ATRNL1: variants seen among roughly 807,000 people sequenced by gnomAD.
ATRNL1 encodes attractin like 1, also known as attractin-like protein 1.
Under a neutral mutation model 182.7 loss-of-function variants are expected in ATRNL1, and 95 were observed. The ratio of observed to expected loss-of-function variants is 0.52; its 90% CI spans 0.44 to 0.62. The LOEUF is 0.62. ATRNL1 is among the 20% of genes least tolerant of loss of function. ATRNL1 has a pLI of 0.00. For synonymous variants in ATRNL1, 576 were observed against 568.3 expected (o/e 1.01, Z -0.19); for missense variants, 1,471 against 1,679.5 (o/e 0.88, Z 2.17).
At chr10:115,491,742 C>T (rs1849309092) in intron 24 of ATRNL1, among the ~76,000 whole-genome samples, 1 of 152,186 alleles carries the variant, frequency 6.6e-6, no homozygotes, top group South Asian at 2.1e-4. Flanking sequence ...AGCCCCCTTT[C>T]CAGGAGAGTG....
chr10:115,123,536 G>T (rs781846725), intron 3 of ATRNL1, among the ~76,000 whole-genome samples: 7 of 152,074 alleles, frequency 4.6e-5, no homozygotes, highest in Non-Finnish European at 8.8e-5. Flanking sequence ...TGTGTCACAG[G>T]CTTAGAGTAC....
intron 5 of ATRNL1, among the ~76,000 whole-genome samples, chr10:115,138,789 G>A (rs1845633108): frequency 6.6e-6 from 1 of 152,202 alleles, no homozygotes; most frequent in African/African-American, 2.4e-5. Flanking sequence ...TTAACATTCA[G>A]CTCCTCATTA....
chr10:115,247,551 A>T (rs1204822852), intron 10 of ATRNL1, among the ~76,000 whole-genome samples: 1 of 152,170 alleles, frequency 6.6e-6, no homozygotes, highest in Non-Finnish European at 1.5e-5. Context: ...AGGATGTGGA[A>T]CAATGGGGAA....
chr10:115,527,888 TTCCC>T (rs1565132858), intron 25 of ATRNL1, among the ~76,000 whole-genome samples: 1 of 58,450 alleles, frequency 1.7e-5, no homozygotes, highest in Non-Finnish European at 4.0e-5. Context: ...CCCTCCCTCC[TTCCC>T]TCCCTTCCTT....
rs782368586 is a variant in ATRNL1, at chr10:115,727,311, G to C, written c.3859G>C (p.Glu1287Gln). ...CTTTGCTTCTGTTGATGTAGCTCTG[G>C]AAGTGGGAGCTGAACAAACAGAGTT... is the stretch of plus-strand genomic sequence containing the variant. The part of the protein sequence containing the change: ...RPFASVDVAL[E>Q]VGAEQTEFLR... The change falls in exon 27 of 29, where the codon GAA becomes CAA. Residue 1287 changes from glutamate (E) to glutamine (Q), a missense_variant. Physicochemically the swap from Glu to Gln is conservative, Grantham distance 29. Coordinates refer to ENST00000355044, the MANE Select transcript of ATRNL1 (RefSeq NM_207303.4). The C allele has an allele frequency of 1.5e-5, 25 of 1,614,036 alleles. No homozygotes were observed. The highest frequency in any genetic ancestry group is 1.7e-5 in the Non-Finnish European group (20 of 1,180,008).
At chr10:115,798,731 C>T (rs998670588) in intron 27 of ATRNL1, among the ~76,000 whole-genome samples, 6 of 152,102 alleles carry the variant, frequency 3.9e-5, no homozygotes, top group Non-Finnish European at 7.4e-5. Flanking sequence ...CTTGATCTCT[C>T]CAATTAGAAT....
In ATRNL1 at chr10:115,461,809, A is replaced by G. The variant is rs372662151; in HGVS notation, c.3323-132A>G. ...AGGACAAAGATTTGTATTTTGTTAT[A>G]CTTAAATATACCACTAGTATTTAAC... On this transcript the variant is annotated intron_variant, in intron 21 of 28. Transcript: ENST00000355044. 6.8e-4 allele frequency: 299 copies of G among 441,960 alleles called. 5 individuals carry two copies. In the South Asian group the frequency reaches 0.019, roughly 28 times the overall value. 27.4% of individuals were successfully genotyped at this position (441,960 alleles called of 1,614,324 possible).
intron 24 of ATRNL1, among the ~76,000 whole-genome samples, chr10:115,496,784 C>T (rs1195956612): frequency 1.3e-5 from 2 of 152,122 alleles, no homozygotes; most frequent in South Asian, 2.1e-4. Flanking sequence ...ATGGGGTTCC[C>T]TTTGTAGATG....
chr10:115,911,411 G>A (rs1369292913), intron 28 of ATRNL1, among the ~76,000 whole-genome samples: 1 of 152,142 alleles, frequency 6.6e-6, no homozygotes, highest in African/African-American at 2.4e-5. Flanking sequence ...TCCACCTCCT[G>A]TGTTCAAGCG....
rs61386440 is a variant in ATRNL1, at chr10:115,717,548, C to CTTTTTTTTTTTTT, written c.3796-9691_3796-9679dup. Among the ~76,000 whole-genome samples the CTTTTTTTTTTTTT allele has an allele frequency of 6.8e-4, 57 of 84,356 alleles. 4 individuals carry two copies. The highest frequency in any genetic ancestry group is 1.5e-3 in the Admixed American group (8 of 5,432). The allele number at this position is 84,356 out of a possible 152,430, so 55.3% of individuals were successfully genotyped here. A position where few individuals can be genotyped will look rare whatever the true frequency, so the allele number is the denominator to read the frequency against. ...TGATTTTCCCGCTGCCTGAAATGTT[C>CTTTTTTTTTTTTT]TTTTTTTTTTTTTTTTTTTTTGAGA... On this transcript the variant is annotated intron_variant, in intron 26 of 28. Transcript: ENST00000355044.
At chr10:115,528,732 ATCTT>A (rs1667164902) in intron 25 of ATRNL1, among the ~76,000 whole-genome samples, 1 of 151,706 alleles carries the variant, frequency 6.6e-6, no homozygotes, top group Non-Finnish European at 1.5e-5. Flanking sequence ...CGTATTTGAG[ATCTT>A]TCTTCTTTTT....
chr10:115,159,637 G>A (rs1190452269), intron 5 of ATRNL1, among the ~76,000 whole-genome samples: 1 of 151,288 alleles, frequency 6.6e-6, no homozygotes, highest in African/African-American at 2.4e-5. Flanking sequence ...ATAACCCTTG[G>A]TGGTAGATTA....
intron 18 of ATRNL1, among the ~76,000 whole-genome samples, chr10:115,317,311 G>A (rs551923591): frequency 6.6e-6 from 1 of 152,250 alleles, no homozygotes; most frequent in South Asian, 2.1e-4. Context: ...AGTATAGTTC[G>A]AAGTCAGGTA....
intron 25 of ATRNL1, among the ~76,000 whole-genome samples, chr10:115,527,894 C>T (rs1314999736): frequency 1.5e-3 from 90 of 59,082 alleles, no homozygotes; most frequent in Non-Finnish European, 8.6e-4. Context: ...CTCCTTCCCT[C>T]CCTTCCTTCC....
intron 26 of ATRNL1, among the ~76,000 whole-genome samples, chr10:115,634,729 G>A (rs11197365): frequency 0.17 from 26,315 of 152,012 alleles, 2,881 homozygotes; most frequent in East Asian, 0.26. Flanking sequence ...AAATAAACAT[G>A]CTCAAGAGTT....
Position 115,825,292 on chromosome 10 carries a change from A to G in ATRNL1, c.3904-22585A>G, listed in dbSNP as rs1205783329. 3.3e-5 allele frequency among the ~76,000 whole-genome samples: 5 copies of G among 152,138 alleles called. No individual in the cohort carries two copies. The East Asian group carries it at 9.7e-4, about 30-fold the overall frequency. ...ACCAGGGCCTGTCGGGGGTTGGGGGACTAGGGGAGAGATAACATTAGGAGA... is the reference window on the plus strand; with the variant it reads ...ACCAGGGCCTGTCGGGGGTTGGGGGGCTAGGGGAGAGATAACATTAGGAGA... On this transcript the variant is annotated intron_variant, in intron 27 of 28. Transcript: ENST00000355044.
At chr10:115,790,539 C>T (rs1244216758) in intron 27 of ATRNL1, among the ~76,000 whole-genome samples, 1 of 151,470 alleles carries the variant, frequency 6.6e-6, no homozygotes, top group Non-Finnish European at 1.5e-5. Flanking sequence ...TTATATCCAA[C>T]CAGAGGATCA....
At chr10:115,676,159 T>C (rs1945853621) in intron 26 of ATRNL1, among the ~76,000 whole-genome samples, 1 of 152,058 alleles carries the variant, frequency 6.6e-6, no homozygotes, top group African/African-American at 2.4e-5. Flanking sequence ...CTCTAGCATA[T>C]GAAACCATAT....
chr10:115,719,614 C>A (rs1262243932), intron 26 of ATRNL1, among the ~76,000 whole-genome samples: 1 of 152,052 alleles, frequency 6.6e-6, no homozygotes, highest in African/African-American at 2.4e-5. Context: ...TGTTAGCAAA[C>A]ATTAGAAATT....
Sources: allele counts gnomAD v4.1 joint callset (sites outside exome capture counted in the v4.1 genomes callset), GRCh38; gene constraint gnomAD v4.1.1; transcripts MANE v1.5; gene names NCBI Gene and HGNC (gene_info 2026-07-23, HGNC 2026-07-21).